The following MAN1A1 variants were observed in gnomAD, a reference collection of about 807,000 sequenced individuals.
The protein encoded by MAN1A1 is mannosidase alpha class 1A member 1.
In MAN1A1, 29 loss-of-function variants were observed where a neutral mutation model predicts 70.8. That is an observed-to-expected ratio of 0.41 (90% CI 0.31 to 0.56). The LOEUF is 0.56. MAN1A1 is among the 20% of genes least tolerant of loss of function. The probability of loss-of-function intolerance (pLI) is 0.29; values close to 1 mark genes in which losing one functional copy is unlikely to be tolerated. For missense variants in MAN1A1, 747 were observed against 841.3 expected (o/e 0.89, Z 1.39); for synonymous variants, 349 against 330.1 (o/e 1.06, Z -0.62).
At chr6:119,256,909 G>C (rs1775475769) in intron 5 of MAN1A1, among the ~76,000 whole-genome samples, 2 of 152,134 alleles carry the variant, frequency 1.3e-5, no homozygotes, top group African/African-American at 4.8e-5. Context: ...CTGATCTCAA[G>C]AAGCTTACAA....
At chr6:119,234,769 C>A (rs1774793646) in intron 6 of MAN1A1, among the ~76,000 whole-genome samples, 1 of 152,078 alleles carries the variant, frequency 6.6e-6, no homozygotes, top group Non-Finnish European at 1.5e-5. Context: ...TACGGGGATA[C>A]CTCATTTTAC....
rs3839394 is a variant in MAN1A1 at position 119,296,587 on chromosome 6, GAGA to G, written c.816+5398_816+5400del. 5.9e-3 allele frequency among the ~76,000 whole-genome samples: 895 copies of G among 152,244 alleles called. 31 individuals are homozygous for G. In the East Asian group the frequency reaches 0.09, roughly 15 times the overall value. ...TAAGCCAGTACTCAGTCATGCATTTGAGAAGATCCAAAGTTGCTTCTTGAAGTC... is the reference window on the plus strand; with the variant it reads ...TAAGCCAGTACTCAGTCATGCATTTGAGATCCAAAGTTGCTTCTTGAAGTC... On this transcript the variant is annotated intron_variant, in intron 4 of 12. Transcript: ENST00000368468.
At chr6:119,262,509 G>A (rs756243797) in intron 5 of MAN1A1, among the ~76,000 whole-genome samples, 2 of 151,862 alleles carry the variant, frequency 1.3e-5, no homozygotes, top group South Asian at 4.2e-4. Context: ...GGAGAAAAAG[G>A]AATACTTACT....
intron 5 of MAN1A1, among the ~76,000 whole-genome samples, chr6:119,282,439 A>C (rs550481242): frequency 6.6e-6 from 1 of 152,210 alleles, no homozygotes; most frequent in Non-Finnish European, 1.5e-5. Context: ...TTGTTTTTGA[A>C]TCAACTCTGT....
chr6:119,203,272 C>T (rs138082069), intron 7 of MAN1A1, among the ~76,000 whole-genome samples: 31 of 152,082 alleles, frequency 2.0e-4, no homozygotes, highest in Admixed American at 1.6e-3. Context: ...CCTGGCAAGG[C>T]GGAGGTGTTT....
intron 5 of MAN1A1, among the ~76,000 whole-genome samples, chr6:119,250,131 A>AC (rs1775277882): frequency 6.6e-6 from 1 of 152,200 alleles, no homozygotes; most frequent in Non-Finnish European, 1.5e-5. Context: ...TCTCTGCCTT[A>AC]CCCCAGAGAA....
chr6:119,272,007 T>A (rs1165634736), intron 5 of MAN1A1, among the ~76,000 whole-genome samples: 2 of 152,178 alleles, frequency 1.3e-5, no homozygotes, highest in East Asian at 3.8e-4. Flanking sequence ...GAATACATTA[T>A]TAGCTTTTTG....
At chr6:119,235,735 G>T (rs1392105777) in intron 6 of MAN1A1, among the ~76,000 whole-genome samples, 1 of 152,192 alleles carries the variant, frequency 6.6e-6, no homozygotes, top group Non-Finnish European at 1.5e-5. Flanking sequence ...CTAGAGAGGA[G>T]AAATCATTGC....
At chr6:119,272,077 G>A (rs984684881) in intron 5 of MAN1A1, among the ~76,000 whole-genome samples, 6 of 152,094 alleles carry the variant, frequency 3.9e-5, no homozygotes, top group Non-Finnish European at 7.4e-5. Context: ...ATTTACACAT[G>A]GCTTCAATAT....
intron 8 of MAN1A1, among the ~76,000 whole-genome samples, chr6:119,197,979 T>C (rs1293624988): frequency 1.3e-5 from 2 of 152,120 alleles, no homozygotes; most frequent in Admixed American, 6.5e-5. Flanking sequence ...TCCTAAATCA[T>C]AGGAAGGAAA....
chr6:119,177,643 T>A lies in MAN1A1; in HGVS notation c.*2176A>T, dbSNP rs1773041170. The A allele has an allele frequency of 6.6e-6, 1 of 152,060 alleles. No individual in the cohort carries two copies. Among genetic ancestry groups the A allele is most frequent in the African/African-American group, 2.4e-5 (1 of 41,442 alleles). The allele number at this position is 152,060 out of a possible 1,614,324, so 9.4% of individuals were successfully genotyped here. On this transcript the variant is annotated 3_prime_UTR_variant, in exon 13 of 13. Transcript: ENST00000368468. ...TTAAATTACATCACTACAATATTAA[T>A]CTCTTATCTTGTTTACATTTTTGGT...
chr6:119,310,391 ACAAGTT>A (rs1490186975), intron 2 of MAN1A1, among the ~76,000 whole-genome samples: 3 of 152,202 alleles, frequency 2.0e-5, no homozygotes. Context: ...ACTGAAGCCT[ACAAGTT>A]CAAGTCCCAC....
intron 2 of MAN1A1, among the ~76,000 whole-genome samples, chr6:119,321,962 CG>C (rs1429767155): frequency 1.3e-5 from 2 of 152,064 alleles, no homozygotes; most frequent in Non-Finnish European, 2.9e-5. Context: ...TTCCAGGGGC[CG>C]CAGCCCTCCA....
intron 2 of MAN1A1, among the ~76,000 whole-genome samples, chr6:119,343,155 ACCAC>A (rs372030367): frequency 2.3e-4 from 35 of 152,248 alleles, no homozygotes; most frequent in African/African-American, 7.7e-4. Flanking sequence ...AAAAAGAAAA[ACCAC>A]CAACTTAGTA....
In MAN1A1 at chr6:119,204,844, C is replaced by T; in HGVS notation, c.1031G>A (p.Ser344Asn). 1 of 1,613,960 alleles carries T rather than the reference C, an allele frequency of 6.2e-7. No homozygotes were observed. Among genetic ancestry groups the T allele is most frequent in the Non-Finnish European group, 8.5e-7 (1 of 1,179,880 alleles). The change falls in exon 7 of 13, where the codon AGC becomes AAC. Residue 344 changes from serine (S) to asparagine (N), a missense_variant. Physicochemically the swap from Ser to Asn is conservative, Grantham distance 46. Around this residue, in one of 2 missense-constraint regions of MAN1A1, gnomAD observed 419 missense variants for 548.2 expected, o/e 0.76. Transcript: ENST00000368468. ...GGTTCCAAATTCTGCCAGAATACTG[C>T]TGCCTCCAGAGGCCCAGGGCCAGTT... ...GRNWPWASGG[S>N]SILAEFGTLH...
chr6:119,278,387 G>A (rs1012971914), intron 5 of MAN1A1, among the ~76,000 whole-genome samples: 1 of 152,118 alleles, frequency 6.6e-6, no homozygotes. Flanking sequence ...CATAATGTTT[G>A]TTCAACAATC....
At chr6:119,285,565 C>T (rs1035948070) in intron 5 of MAN1A1, among the ~76,000 whole-genome samples, 2 of 151,424 alleles carry the variant, frequency 1.3e-5, no homozygotes, top group African/African-American at 4.9e-5. Context: ...ATGGGATTAA[C>T]ATATATTTTT....
intron 2 of MAN1A1, 95 bp downstream of exon 2, chr6:119,348,368 A>G (rs1773793130): frequency 4.0e-6 from 5 of 1,248,066 alleles, no homozygotes; most frequent in East Asian, 2.4e-5. Flanking sequence ...CTCCCCATAC[A>G]TTGCATTGTT....
intron 4 of MAN1A1, among the ~76,000 whole-genome samples, chr6:119,296,119 T>A (rs761914056): frequency 1.3e-5 from 2 of 152,182 alleles, no homozygotes; most frequent in Non-Finnish European, 2.9e-5. Flanking sequence ...AACGATTAAA[T>A]TGCAATATTT....
Sources: allele counts gnomAD v4.1 joint callset (sites outside exome capture counted in the v4.1 genomes callset), GRCh38; gene constraint gnomAD v4.1.1; regional missense constraint gnomAD v4.1.1; transcripts MANE v1.5; gene names NCBI Gene and HGNC (gene_info 2026-07-23, HGNC 2026-07-21).